Variants in DHRSX observed in about 807,000 individuals in gnomAD.
DHRSX encodes polyprenol dehydrogenase.
A neutral mutation model predicts 34.0 loss-of-function variants in DHRSX; 31 were observed. The ratio of observed to expected loss-of-function variants is 0.91; its 90% CI spans 0.69 to 1.23. DHRSX has a LOEUF of 1.23. Among genes scored for constraint, DHRSX ranks in the 50% most tolerant of loss-of-function variants. The pLI, the probability that DHRSX is intolerant of heterozygous loss-of-function variation, is 0.00. For synonymous variants in DHRSX, 201 were observed against 183.8 expected, an observed-to-expected ratio of 1.09 and a Z score of -0.76; for missense variants, 414 against 428.1, an observed-to-expected ratio of 0.97 and a Z score of 0.29.
intron 1 of DHRSX, among the ~76,000 whole-genome samples, chrX:2,451,967 A>T (rs1037241222): frequency 6.6e-6 from 1 of 151,680 alleles, no homozygotes; most frequent in Non-Finnish European, 1.5e-5. Context: ...TTCCCTAAGT[A>T]TGTGGCTAAG....
intron 5 of DHRSX, among the ~76,000 whole-genome samples, chrX:2,244,449 G>A (rs1297411225): frequency 5.9e-5 from 9 of 152,036 alleles, no homozygotes; most frequent in Non-Finnish European, 8.8e-5. Context: ...GTTACATAAC[G>A]TCCCTTGAAG....
Position 2,361,174 on chromosome X carries a change from G to A in DHRSX, c.286+47571C>T, listed in dbSNP as rs186606630. ...TCGCCAGGCTGGAGTGCAGTGGTGC[G>A]ATCTCGGCTCACTGCAACCTCCACC... On this transcript the variant is annotated intron_variant, in intron 3 of 6. Transcript: ENST00000334651. Among the ~76,000 whole-genome samples, 74 of 152,114 alleles carry A rather than the reference G, an allele frequency of 4.9e-4. 1 individual carries two copies. The East Asian group carries it at 6.4e-3, about 13-fold the overall frequency.
At chrX:2,437,832 A>G (rs1300380324) in intron 1 of DHRSX, among the ~76,000 whole-genome samples, 2 of 152,042 alleles carry the variant, frequency 1.3e-5, no homozygotes, top group Admixed American at 1.3e-4. Context: ...TATGCAGTGT[A>G]ACTTAGGTTC....
chrX:2,234,395 T>A (rs1314217823), intron 6 of DHRSX, among the ~76,000 whole-genome samples: 2 of 151,876 alleles, frequency 1.3e-5, no homozygotes, highest in Admixed American at 1.3e-4. Flanking sequence ...CACACAGCCC[T>A]GATCCATGCA....
At chrX:2,363,935 A>G (rs181337930) in intron 3 of DHRSX, among the ~76,000 whole-genome samples, 1 of 152,264 alleles carries the variant, frequency 6.6e-6, no homozygotes, top group Non-Finnish European at 1.5e-5. Flanking sequence ...AGATATTTCC[A>G]CACTCAACAC....
chrX:2,324,995 C>G (rs1335408346), intron 3 of DHRSX, among the ~76,000 whole-genome samples: 1 of 150,016 alleles, frequency 6.7e-6, no homozygotes, highest in Non-Finnish European at 1.5e-5. Context: ...AGGCTCGTCT[C>G]GAACCCCTGA....
At chrX:2,259,388 A>C in intron 5 of DHRSX, among the ~76,000 whole-genome samples, 1 of 61,774 alleles carries the variant, frequency 1.6e-5, no homozygotes, top group South Asian at 3.3e-4. Flanking sequence ...ATATATATAG[A>C]TATATAGATA....
chrX:2,450,531 A>G (rs1459002717), intron 1 of DHRSX, among the ~76,000 whole-genome samples: 1 of 152,044 alleles, frequency 6.6e-6, no homozygotes, highest in Non-Finnish European at 1.5e-5. Context: ...CTAACTATAA[A>G]CAATTTTAGG....
intron 3 of DHRSX, among the ~76,000 whole-genome samples, chrX:2,325,287 A>G: frequency 6.6e-6 from 1 of 151,994 alleles, no homozygotes; most frequent in East Asian, 1.9e-4. Flanking sequence ...TCTTCCGGGC[A>G]GGAACTAGGG....
intron 6 of DHRSX, among the ~76,000 whole-genome samples, chrX:2,242,322 G>A (rs915772523): frequency 2.3e-4 from 34 of 149,484 alleles, no homozygotes; most frequent in African/African-American, 7.4e-4. Flanking sequence ...GCTACACAGC[G>A]TCACCCACCG....
chrX:2,481,621 G>A (rs1182632360), intron 1 of DHRSX, among the ~76,000 whole-genome samples: 11 of 151,942 alleles, frequency 7.2e-5, no homozygotes, highest in African/African-American at 2.2e-4. Context: ...AGCCGAGATC[G>A]TGCCATTGCA....
At chrX:2,380,657 TAGTG>T (rs1186133085) in intron 3 of DHRSX, among the ~76,000 whole-genome samples, 2 of 152,104 alleles carry the variant, frequency 1.3e-5, no homozygotes, top group African/African-American at 4.8e-5. Flanking sequence ...GTTCTCATGA[TAGTG>T]AGTGAGTTCT....
At chrX:2,264,313 A>G (rs2041407502) in intron 5 of DHRSX, among the ~76,000 whole-genome samples, 1 of 151,764 alleles carries the variant, frequency 6.6e-6, no homozygotes, top group Admixed American at 6.6e-5. Context: ...AGACTCAGGG[A>G]GCACCGTGCC....
chrX:2,480,966 CA>C (rs993597983), intron 1 of DHRSX, among the ~76,000 whole-genome samples: 10 of 151,442 alleles, frequency 6.6e-5, no homozygotes, highest in Admixed American at 6.6e-5. Flanking sequence ...ATTCTCACCA[CA>C]AAAAAAAGTA....
chrX:2,392,788 C>A, intron 3 of DHRSX, among the ~76,000 whole-genome samples: 1 of 132,012 alleles, frequency 7.6e-6, no homozygotes, highest in African/African-American at 2.8e-5. Context: ...TATAGAATAG[C>A]ATAAATATTT....
chrX:2,310,820 G>A (rs1361129430), intron 3 of DHRSX, among the ~76,000 whole-genome samples: 1 of 151,976 alleles, frequency 6.6e-6, no homozygotes, highest in Non-Finnish European at 1.5e-5. Flanking sequence ...CAATAGTTTG[G>A]GAGGCCGAGG....
Position 2,309,736 on chromosome X carries a change from T to C in DHRSX, c.287-18133A>G, listed in dbSNP as rs1019532552. Among the ~76,000 whole-genome samples, 31 of 152,194 alleles carry C rather than the reference T, an allele frequency of 2.0e-4. No individual in the cohort carries two copies. In the East Asian group the frequency reaches 2.1e-3, roughly 10 times the overall value. On this transcript the variant is annotated intron_variant, in intron 3 of 6. Transcript: ENST00000334651. Reference sequence around the variant, plus strand: ...CAGCCTGGGCAACATAGCAAGACCCTACCTCTACAAAAGGAAGTCATAAAA... The same window carrying C: ...CAGCCTGGGCAACATAGCAAGACCCCACCTCTACAAAAGGAAGTCATAAAA...
At chrX:2,448,167 A>ATC (rs1395971536) in intron 1 of DHRSX, among the ~76,000 whole-genome samples, 39,462 of 147,108 alleles carry the variant, frequency 0.27, 5,847 homozygotes, top group South Asian at 0.39. Flanking sequence ...GCAAGATCCC[A>ATC]TCTACATAAA....
chrX:2,255,233 A>G (rs73183497), intron 5 of DHRSX, among the ~76,000 whole-genome samples: 3,513 of 152,204 alleles, frequency 0.023, 67 homozygotes, highest in Non-Finnish European at 0.035. Context: ...AAAACAACCA[A>G]AACAACACAG....
Sources: gnomAD v4.1 joint callset for allele counts (sites outside exome capture counted in the v4.1 genomes callset) on GRCh38, gnomAD v4.1.1 for gene constraint, MANE v1.5 for transcripts, NCBI Gene and HGNC (gene_info 2026-07-23, HGNC 2026-07-21) for gene names.